AGBL3: variants seen among roughly 807,000 people sequenced by gnomAD.
The protein encoded by AGBL3 is AGBL carboxypeptidase 3.
In AGBL3, 68 loss-of-function variants were observed where a neutral mutation model predicts 94.5. The observed-to-expected ratio is 0.72, with a 90% CI of 0.59 to 0.88. The LOEUF is 0.88. Among genes scored for constraint, AGBL3 ranks in the 40% least tolerant of loss-of-function variants. AGBL3 has a pLI of 0.00. For missense variants in AGBL3, 934 were observed against 1,103.8 expected (o/e 0.85, Z 2.18); for synonymous variants, 354 against 370.7 (o/e 0.95, Z 0.52).
Position 134,992,283 on chromosome 7 carries a change from T to A in AGBL3, c.125-1210T>A, listed in dbSNP as rs150786385. ...GTTAGAGTGTGTCCAGCCACAACAGTCTTTACTCCGGGGCTGAGTTCATTA... is the reference window on the plus strand; with the variant it reads ...GTTAGAGTGTGTCCAGCCACAACAGACTTTACTCCGGGGCTGAGTTCATTA... On this transcript the variant is annotated intron_variant, in intron 3 of 16. Transcript: ENST00000436302. Among the ~76,000 whole-genome samples, 380 of 152,348 alleles carry A rather than the reference T, an allele frequency of 2.5e-3. 1 individual carries two copies. The highest frequency in any genetic ancestry group is 8.7e-3 in the African/African-American group (363 of 41,578).
intron 5 of AGBL3, among the ~76,000 whole-genome samples, chr7:135,024,274 T>G (rs1814841126): frequency 6.6e-6 from 1 of 152,212 alleles, no homozygotes; most frequent in African/African-American, 2.4e-5. Flanking sequence ...AGAGTGCTGC[T>G]GCAGGTGTGC....
intron 4 of AGBL3, among the ~76,000 whole-genome samples, chr7:135,009,057 G>A (rs1812770185): frequency 6.6e-6 from 1 of 152,144 alleles, no homozygotes; most frequent in African/African-American, 2.4e-5. Context: ...CAGCTACTTT[G>A]GAAACCTGGT....
At chr7:135,120,560 A>G (rs1349015225) in intron 16 of AGBL3, among the ~76,000 whole-genome samples, 2 of 152,244 alleles carry the variant, frequency 1.3e-5, no homozygotes, top group Non-Finnish European at 2.9e-5. Context: ...ACAAAAGATA[A>G]ACTTTTTTTA....
intron 15 of AGBL3, among the ~76,000 whole-genome samples, chr7:135,100,813 G>A (rs1333574553): frequency 3.3e-5 from 5 of 152,222 alleles, no homozygotes; most frequent in Non-Finnish European, 4.4e-5. Context: ...GTTAGAAGAT[G>A]TGAATGCTAC....
intron 4 of AGBL3, among the ~76,000 whole-genome samples, chr7:135,013,119 G>T (rs60560877): frequency 1.3e-5 from 2 of 151,978 alleles, no homozygotes; most frequent in Non-Finnish European, 2.9e-5. Flanking sequence ...CAAAAGACTC[G>T]AACAGACATT....
intron 3 of AGBL3, 88 bp from the exon 4 acceptor site, chr7:134,993,405 T>C: frequency 8.8e-7 from 1 of 1,141,480 alleles, no homozygotes; most frequent in Non-Finnish European, 1.2e-6. Context: ...TGAATAGTGT[T>C]GAAAGGAAAA....
intron 4 of AGBL3, among the ~76,000 whole-genome samples, chr7:134,998,821 G>T (rs1182436007): frequency 6.6e-6 from 1 of 152,030 alleles, no homozygotes; most frequent in Non-Finnish European, 1.5e-5. Flanking sequence ...TCCAACCACT[G>T]CCCCAGGCTG....
chr7:135,004,815 T>A (rs1812184014), intron 4 of AGBL3, among the ~76,000 whole-genome samples: 1 of 151,572 alleles, frequency 6.6e-6, no homozygotes, highest in South Asian at 2.1e-4. Context: ...TTGGTAGGCT[T>A]TATCTTGTTA....
chr7:135,118,704 G>A (rs1826672689), intron 16 of AGBL3, among the ~76,000 whole-genome samples: 1 of 152,144 alleles, frequency 6.6e-6, no homozygotes, highest in Non-Finnish European at 1.5e-5. Context: ...TGTTAATGAT[G>A]TTAGAATTTT....
chr7:134,994,845 G>A (rs971378431), intron 4 of AGBL3, among the ~76,000 whole-genome samples: 1 of 152,170 alleles, frequency 6.6e-6, no homozygotes, highest in Non-Finnish European at 1.5e-5. Context: ...ATGCTTAATA[G>A]TACTAAACAG....
chr7:135,086,508 G>A (rs1334783716), intron 15 of AGBL3, among the ~76,000 whole-genome samples: 1 of 151,960 alleles, frequency 6.6e-6, no homozygotes, highest in Non-Finnish European at 1.5e-5. Flanking sequence ...CTTATTTGGT[G>A]AGAGTTTTTG....
In AGBL3 at chr7:135,129,414, G is replaced by T. The variant is rs914623373; in HGVS notation, c.2343-5427G>T. The T allele has an allele frequency of 1.0e-4, 82 of 802,066 alleles. No homozygotes were observed. The African/African-American group carries it at 1.2e-3, about 12-fold the overall frequency. 49.7% of individuals were successfully genotyped at this position (802,066 alleles called of 1,614,324 possible). ...TTTGGAACAAAGGTATGATAAGAGG[G>T]TGATTCAGAAGGCACTGGAAGAGAT... On this transcript the variant is annotated intron_variant, in intron 16 of 16. Transcript: ENST00000436302.
intron 4 of AGBL3, among the ~76,000 whole-genome samples, chr7:135,002,185 C>T (rs142698847): frequency 2.2e-3 from 341 of 152,172 alleles, no homozygotes; most frequent in Non-Finnish European, 4.0e-3. Flanking sequence ...TAAAAGGACT[C>T]GAGAAATTCA....
At chr7:135,005,843 T>C (rs891563028) in intron 4 of AGBL3, among the ~76,000 whole-genome samples, 4 of 151,770 alleles carry the variant, frequency 2.6e-5, no homozygotes, top group Admixed American at 2.0e-4. Context: ...GAAGAAAGTT[T>C]GCATTTTCAA....
intron 14 of AGBL3, among the ~76,000 whole-genome samples, chr7:135,081,190 A>C (rs1169695767): frequency 6.6e-6 from 1 of 152,158 alleles, no homozygotes; most frequent in Non-Finnish European, 1.5e-5. Flanking sequence ...TTAAAAATAA[A>C]GATAAGCAAA....
At chr7:135,088,690 TATC>T (rs1409719813) in intron 15 of AGBL3, among the ~76,000 whole-genome samples, 1 of 152,200 alleles carries the variant, frequency 6.6e-6, no homozygotes, top group Non-Finnish European at 1.5e-5. Flanking sequence ...ACTTTGAATT[TATC>T]ATCCCATTCT....
In AGBL3 at chr7:134,993,518, C is replaced by A. The variant is rs1436791115; in HGVS notation, c.150C>A (p.Phe50Leu). Residue 50 changes from phenylalanine to leucine, a missense_variant, in exon 4 of 17, where the codon TTC (phenylalanine) becomes TTA (leucine). This residue lies in a region of AGBL3 where 488 missense variants were observed against 563.6 expected (regional missense o/e 0.87). Transcript: ENST00000436302. ...LTADSFGDPF[F>L]PRTTQILLEY... ...CTGACTCTTTTGGTGATCCCTTCTT[C>A]CCCCGGACTACACAGATACTATTAG... The A allele has an allele frequency of 1.9e-6, 3 of 1,548,210 alleles. No individual in the cohort carries two copies. The highest frequency in any genetic ancestry group is 4.9e-5 in the East Asian group (2 of 40,772).
chr7:135,048,893 T>G (rs1332876955), intron 11 of AGBL3, among the ~76,000 whole-genome samples: 1 of 151,830 alleles, frequency 6.6e-6, no homozygotes, highest in Non-Finnish European at 1.5e-5. Flanking sequence ...TGCTCTGGCT[T>G]GGACTTCCAG....
intron 9 of AGBL3, among the ~76,000 whole-genome samples, chr7:135,044,654 T>C (rs1817180721): frequency 1.3e-5 from 2 of 152,052 alleles, no homozygotes; most frequent in South Asian, 2.1e-4. Context: ...ATCAGAAAAA[T>C]GTATCAACTT....
Sources: gnomAD v4.1 joint callset for allele counts (sites outside exome capture counted in the v4.1 genomes callset) on GRCh38, gnomAD v4.1.1 for gene constraint, gnomAD v4.1.1 regional missense constraint, MANE v1.5 for transcripts, NCBI Gene and HGNC (gene_info 2026-07-23, HGNC 2026-07-21) for gene names.